The following SYTL5 variants were observed in gnomAD, a reference collection of about 807,000 sequenced individuals.
SYTL5 encodes the protein synaptotagmin like 5, also known as synaptotagmin-like protein 5.
A neutral mutation model predicts 55.9 loss-of-function variants in SYTL5; 34 were observed. The observed-to-expected ratio is 0.61, with a 90% CI of 0.46 to 0.81. The LOEUF (loss-of-function observed/expected upper bound fraction) is 0.81. Ranked by LOEUF, SYTL5 falls within the 30% of genes least tolerant of loss-of-function variation. The pLI is 0.00. For synonymous variants in SYTL5, 221 were observed against 188.7 expected, an observed-to-expected ratio of 1.17 and a Z score of -1.40; for missense variants, 637 against 546.7, an observed-to-expected ratio of 1.17 and a Z score of -1.65.
the SYTL5 span, among the ~76,000 whole-genome samples, chrX:37,914,800 A>T: frequency 1.8e-5 from 2 of 112,281 alleles, no homozygotes; most frequent in Non-Finnish European, 3.8e-5. Context: ...AACAAAGGAC[A>T]GCCTCAGTGA....
intron 12 of SYTL5, 44 bp from the exon 13 acceptor site, chrX:38,110,277 A>G (rs1465776781): frequency 9.3e-7 from 1 of 1,079,936 alleles, no homozygotes; most frequent in African/African-American, 1.9e-5. Flanking sequence ...GGAATTGGAT[A>G]GAGCCCTCCT....
intron 6 of SYTL5, among the ~76,000 whole-genome samples, chrX:38,083,774 A>ATGTGTGTGTGTG (rs3068306): frequency 0.012 from 1,128 of 94,312 alleles, 19 homozygotes; most frequent in African/African-American, 0.043. Flanking sequence ...AAATAGACTC[A>ATGTGTGTGTGTG]TGTGTGTGTG....
At chrX:37,922,854 A>C in the SYTL5 span, among the ~76,000 whole-genome samples, 338 of 111,708 alleles carry the variant, frequency 3.0e-3, 1 homozygote, top group African/African-American at 0.011. Flanking sequence ...TATCACATAC[A>C]TAACAGCTTT....
the SYTL5 span, among the ~76,000 whole-genome samples, chrX:37,954,804 A>G: frequency 9.0e-6 from 1 of 111,711 alleles, no homozygotes; most frequent in Admixed American, 9.5e-5. Context: ...GACATATAGC[A>G]ACATCGTGTG....
At chrX:37,926,293 C>T in the SYTL5 span, among the ~76,000 whole-genome samples, 2 of 111,394 alleles carry the variant, frequency 1.8e-5, no homozygotes, top group Non-Finnish European at 3.8e-5. Context: ...AACGTCTTTT[C>T]AGATCATTTG....
the SYTL5 span, among the ~76,000 whole-genome samples, chrX:37,958,819 G>C: frequency 8.9e-6 from 1 of 112,468 alleles, no homozygotes; most frequent in African/African-American, 3.2e-5. Context: ...ATTAAAGATG[G>C]AGAAAATAAG....
intron 3 of SYTL5, among the ~76,000 whole-genome samples, chrX:38,067,382 C>CA (rs55653564): frequency 0.21 from 18,364 of 88,269 alleles, 1,586 homozygotes; most frequent in Middle Eastern, 0.27. Flanking sequence ...AAGAACATAT[C>CA]AAAAAAAAAA....
chrX:37,910,650 A>G, the SYTL5 span, among the ~76,000 whole-genome samples: 4 of 112,710 alleles, frequency 3.5e-5, no homozygotes, highest in Non-Finnish European at 7.5e-5. Context: ...TTTACAGATC[A>G]TACTTGAAGT....
rs1380618671 is a variant in SYTL5, at chrX:38,073,526, T to C, written c.446-64T>C. On this transcript the variant is annotated intron_variant, in intron 4 of 16. Transcript: ENST00000297875. The stretch of plus-strand genomic sequence containing the variant: ...AATCTGGGAAAGTGAAAGCAGAATA[T>C]AAATTTGCTCTCATTTCTGGCCATT... 3 of 833,009 alleles carry C rather than the reference T, an allele frequency of 3.6e-6. No individual in the cohort carries two copies. The Admixed American group carries it at 8.9e-5, about 25-fold the overall frequency. 68.6% of individuals were successfully genotyped at this position (833,009 alleles called of 1,213,427 possible). A position where few individuals can be genotyped will look rare whatever the true frequency, so the allele number is the denominator to read the frequency against.
At chrX:38,043,663 A>ATG (rs1232682684) in intron 2 of SYTL5, among the ~76,000 whole-genome samples, 15 of 34,376 alleles carry the variant, frequency 4.4e-4, no homozygotes, top group African/African-American at 1.9e-3. Flanking sequence ...GTATGTATGT[A>ATG]TATATATATA....
intron 6 of SYTL5, 50 bp downstream of exon 6, chrX:38,076,751 T>C: frequency 1.8e-6 from 2 of 1,141,992 alleles, no homozygotes; most frequent in Non-Finnish European, 2.4e-6. Flanking sequence ...TTAAGGTTGA[T>C]ATATTCCCAT....
At chrX:37,944,814 T>C in the SYTL5 span, among the ~76,000 whole-genome samples, 1 of 112,502 alleles carries the variant, frequency 8.9e-6, no homozygotes, top group Non-Finnish European at 1.9e-5. Context: ...TGATTTTTTC[T>C]TCCTTTCTCT....
intron 6 of SYTL5, 147 bp downstream of exon 6, chrX:38,076,848 A>G (rs1198217337): frequency 8.0e-6 from 5 of 627,112 alleles, no homozygotes; most frequent in Non-Finnish European, 1.2e-5. Context: ...GATATTTTTT[A>G]GTTGATATGG....
chrX:37,923,166 C>A, the SYTL5 span, among the ~76,000 whole-genome samples: 1 of 112,782 alleles, frequency 8.9e-6, no homozygotes, highest in Non-Finnish European at 1.9e-5. Context: ...TCCACTTATT[C>A]CCCTGCTGTA....
the SYTL5 span, among the ~76,000 whole-genome samples, chrX:37,893,727 T>C: frequency 1.1e-5 from 1 of 92,125 alleles, no homozygotes; most frequent in Non-Finnish European, 2.1e-5. Flanking sequence ...ATAGATTATA[T>C]ATAATCTATA....
At chrX:37,977,885 G>C in the SYTL5 span, among the ~76,000 whole-genome samples, 1 of 110,888 alleles carries the variant, frequency 9.0e-6, no homozygotes. Flanking sequence ...CACAGGAAGG[G>C]GTTGGTGGCG....
At chrX:37,982,532 A>AAG in the SYTL5 span, among the ~76,000 whole-genome samples, 12 of 112,808 alleles carry the variant, frequency 1.1e-4, no homozygotes, top group African/African-American at 3.9e-4. Flanking sequence ...GTAATTATGA[A>AAG]AGAGAGTGTA....
chrX:38,069,528 T>C (rs1439846405), intron 3 of SYTL5, among the ~76,000 whole-genome samples: 1 of 112,046 alleles, frequency 8.9e-6, no homozygotes, highest in Non-Finnish European at 1.9e-5. Context: ...CACTTTCCAG[T>C]CATTGCCTGT....
chrX:38,067,576 C>T lies in SYTL5; in HGVS notation c.330-4471C>T, dbSNP rs756991227. 1.5e-3 allele frequency among the ~76,000 whole-genome samples: 163 copies of T among 111,514 alleles called. 3 individuals carry two copies. Among genetic ancestry groups the T allele is most frequent in the Non-Finnish European group, 1.6e-3 (86 of 53,087 alleles). On this transcript the variant is annotated intron_variant, in intron 3 of 16. Coordinates refer to ENST00000297875, the MANE Select transcript of SYTL5 (RefSeq NM_138780.3). The stretch of plus-strand genomic sequence containing the variant: ...AGGCTTTGAGAGCTATGTGGTCTAC[C>T]GCTGCAACCACTTAGCTTTGTAGTT...
Sources: allele counts gnomAD v4.1 joint callset (sites outside exome capture counted in the v4.1 genomes callset), GRCh38; gene constraint gnomAD v4.1.1; transcripts MANE v1.5; gene names NCBI Gene and HGNC (gene_info 2026-07-23, HGNC 2026-07-21).